The following BCKDHB variants were observed in gnomAD, a reference collection of about 807,000 sequenced individuals.
The protein encoded by BCKDHB is 2-oxoisovalerate dehydrogenase subunit beta, mitochondrial.
Under a neutral mutation model 48.5 loss-of-function variants are expected in BCKDHB, and 41 were observed. That is an observed-to-expected ratio of 0.85 (90% CI 0.66 to 1.10). The LOEUF (loss-of-function observed/expected upper bound fraction) is 1.10. Ranked by LOEUF, BCKDHB falls within the 50% of genes least tolerant of loss-of-function variation. The pLI is 0.00. For synonymous variants in BCKDHB, 201 were observed against 174.8 expected (o/e 1.15, Z -1.18); for missense variants, 496 against 494.2 (o/e 1.00, Z -0.03).
intron 8 of BCKDHB, among the ~76,000 whole-genome samples, chr6:80,209,179 T>A (rs1423272209): frequency 6.6e-6 from 1 of 151,922 alleles, no homozygotes; most frequent in Non-Finnish European, 1.5e-5. Context: ...TGGTGAAGAT[T>A]AGTTGCAAAA....
the BCKDHB span, chr6:80,356,689 G>A: frequency 6.6e-6 from 1 of 152,056 alleles, no homozygotes; most frequent in South Asian, 2.1e-4. Context: ...ATTACACAAA[G>A]TAATAAAATA....
chr6:80,261,717 C>T lies in BCKDHB; in HGVS notation c.952-11418C>T, dbSNP rs577312587. 2.6e-5 allele frequency among the ~76,000 whole-genome samples: 4 copies of T among 152,130 alleles called. No individual in the cohort carries two copies. In the South Asian group the frequency reaches 6.2e-4, roughly 24 times the overall value. On this transcript the variant is annotated intron_variant, in intron 8 of 9. Coordinates refer to ENST00000320393, the MANE Select transcript of BCKDHB (RefSeq NM_183050.4). ...TTATTATCTCCCTAGAATTATTATT[C>T]TTATTTCTTAAAGGTTAGCTCTTCG... is the stretch of plus-strand genomic sequence containing the variant.
At chr6:80,310,316 T>C (rs371897769) in intron 9 of BCKDHB, among the ~76,000 whole-genome samples, 1 of 152,260 alleles carries the variant, frequency 6.6e-6, no homozygotes, top group South Asian at 2.1e-4. Flanking sequence ...TGTGTTCTCA[T>C]CATTTAGCTC....
At chr6:80,173,796 C>T (rs1773026936) in intron 6 of BCKDHB, among the ~76,000 whole-genome samples, 1 of 134,354 alleles carries the variant, frequency 7.4e-6, no homozygotes, top group South Asian at 2.4e-4. Context: ...TTGGTTTCTA[C>T]TTTTCCTTTT....
At chr6:80,394,986 C>A in the BCKDHB span, among the ~76,000 whole-genome samples, 1 of 152,124 alleles carries the variant, frequency 6.6e-6, no homozygotes, top group Non-Finnish European at 1.5e-5. Flanking sequence ...TGAAGGAGGA[C>A]GTGTTTGTTT....
chr6:80,180,589 G>A (rs1304691616), intron 6 of BCKDHB, among the ~76,000 whole-genome samples: 2 of 152,098 alleles, frequency 1.3e-5, no homozygotes, highest in Non-Finnish European at 2.9e-5. Flanking sequence ...TAAAATCCTT[G>A]TATTGTTTGT....
the BCKDHB span, among the ~76,000 whole-genome samples, chr6:80,359,083 T>A: frequency 6.6e-6 from 1 of 152,200 alleles, no homozygotes; most frequent in Non-Finnish European, 1.5e-5. Context: ...AGCAGCCCAG[T>A]TCACCAAGTT....
At chr6:80,350,897 A>G (rs537566779), downstream of BCKDHB, among the ~76,000 whole-genome samples, 1 of 152,172 alleles carries the variant, frequency 6.6e-6, no homozygotes, top group Non-Finnish European at 1.5e-5. Context: ...CCATTAGTCC[A>G]TTTTGTTTAC....
chr6:80,405,906 C>T, the BCKDHB span, among the ~76,000 whole-genome samples: 2 of 152,054 alleles, frequency 1.3e-5, no homozygotes, highest in Non-Finnish European at 2.9e-5. Flanking sequence ...ATACATGTGC[C>T]ATGTTGGCTT....
At chr6:80,172,325 T>G (rs1473823311) in intron 6 of BCKDHB, among the ~76,000 whole-genome samples, 1 of 152,050 alleles carries the variant, frequency 6.6e-6, no homozygotes, top group East Asian at 1.9e-4. Context: ...GTCATTATAT[T>G]GGATGAATAT....
intron 1 of BCKDHB, among the ~76,000 whole-genome samples, chr6:80,119,855 C>CT (rs1044052764): frequency 2.7e-5 from 4 of 150,318 alleles, no homozygotes; most frequent in South Asian, 2.3e-4. Flanking sequence ...CAATGTTAAT[C>CT]TTTTTTTTCC....
At chr6:80,278,644 C>G (rs1216348464) in intron 9 of BCKDHB, among the ~76,000 whole-genome samples, 2 of 152,134 alleles carry the variant, frequency 1.3e-5, no homozygotes, top group Non-Finnish European at 2.9e-5. Context: ...ACTGCAACCT[C>G]CGCCTGCCGG....
the BCKDHB span, among the ~76,000 whole-genome samples, chr6:80,465,028 T>G: frequency 6.6e-6 from 1 of 152,222 alleles, no homozygotes; most frequent in Admixed American, 6.5e-5. Flanking sequence ...CCAGGTTTTT[T>G]TCCCTGCCTC....
the BCKDHB span, among the ~76,000 whole-genome samples, chr6:80,389,447 T>C: frequency 2.0e-5 from 3 of 152,212 alleles, no homozygotes. Flanking sequence ...TTGTCCGTAA[T>C]GGAAAGGGCA....
intron 8 of BCKDHB, among the ~76,000 whole-genome samples, chr6:80,246,825 ACTT>A (rs1237470377): frequency 6.6e-6 from 1 of 151,998 alleles, no homozygotes; most frequent in Non-Finnish European, 1.5e-5. Context: ...GCTGACACAC[ACTT>A]GTACACACTT....
intron 6 of BCKDHB, among the ~76,000 whole-genome samples, chr6:80,195,009 T>C (rs1013294686): frequency 6.6e-6 from 1 of 152,164 alleles, no homozygotes; most frequent in Non-Finnish European, 1.5e-5. Flanking sequence ...CTGAGACTTA[T>C]TATACCAATT....
the BCKDHB span, chr6:80,355,486 A>G: frequency 6.6e-6 from 1 of 151,508 alleles, no homozygotes; most frequent in South Asian, 2.1e-4. Context: ...GTTTACTTGC[A>G]CCGTGATTTT....
chr6:80,415,195 A>T, the BCKDHB span, among the ~76,000 whole-genome samples: 1 of 152,190 alleles, frequency 6.6e-6, no homozygotes, highest in African/African-American at 2.4e-5. Context: ...ATATCAGGTC[A>T]TGTTGTTTGC....
chr6:80,122,646 A>G (rs899706725), intron 1 of BCKDHB, among the ~76,000 whole-genome samples: 1 of 152,210 alleles, frequency 6.6e-6, no homozygotes, highest in African/African-American at 2.4e-5. Context: ...AACAGGGAGT[A>G]GGTACAAAGA....
Sources: gnomAD v4.1 joint callset for allele counts (sites outside exome capture counted in the v4.1 genomes callset) on GRCh38, gnomAD v4.1.1 for gene constraint, MANE v1.5 for transcripts, NCBI Gene and HGNC (gene_info 2026-07-23, HGNC 2026-07-21) for gene names.